The following DRG2 variants were observed in gnomAD, a reference collection of about 807,000 sequenced individuals.
DRG2 encodes developmentally-regulated GTP-binding protein 2.
In DRG2, 36 loss-of-function variants were observed where a neutral mutation model predicts 53.4. That is an observed-to-expected ratio of 0.67 (90% CI 0.52 to 0.89). The LOEUF is 0.89. Ranked by LOEUF, DRG2 falls within the 40% of genes least tolerant of loss-of-function variation. The pLI is 0.00. For synonymous variants in DRG2, 167 were observed against 192.1 expected (o/e 0.87, Z 1.08); for missense variants, 342 against 481.2 (o/e 0.71, Z 2.71).
At chr17:18,104,506 GGC>G (rs2045593066) in intron 10 of DRG2, 115 bp from the exon 11 acceptor site, 1 of 1,542,704 alleles carries the variant, frequency 6.5e-7, no homozygotes, top group Admixed American at 1.9e-5. Context: ...GGGGAGGTTA[GGC>G]CAAGGCAAGG....
chr17:18,104,588 T>C, intron 10 of DRG2, 35 bp from the exon 11 acceptor site: 10 of 1,613,584 alleles, frequency 6.2e-6, no homozygotes, highest in Non-Finnish European at 8.5e-6. Flanking sequence ...TGGGCCCTGA[T>C]GTGTGGCTGA....
intron 1 of DRG2, among the ~76,000 whole-genome samples, chr17:18,090,979 C>T (rs941441404): frequency 6.6e-6 from 1 of 152,192 alleles, no homozygotes; most frequent in Non-Finnish European, 1.5e-5. Context: ...GCTGCAGAAC[C>T]CATTCTTGAC....
rs772468542 is a variant in DRG2, at chr17:18,100,900, G to A, written c.631+241G>A. 1.3e-5 allele frequency among the ~76,000 whole-genome samples: 2 copies of A among 152,172 alleles called. No homozygotes were observed. The highest frequency in any genetic ancestry group is 2.9e-5 in the Non-Finnish European group (2 of 68,044). On this transcript the variant is annotated intron_variant, in intron 7 of 12. Transcript: ENST00000225729. This position sits in a 1 kb window ranked among gnomAD's most constrained non-coding sequence, Gnocchi z 4.1. ...GCACTGTGGTAGCCAGATGACATCC[G>A]GAAGAAAAAGATGTCATGGGAAACA... is the stretch of plus-strand genomic sequence containing the variant.
At chr17:18,092,717 T>C (rs1000325226) in intron 1 of DRG2, among the ~76,000 whole-genome samples, 1 of 152,188 alleles carries the variant, frequency 6.6e-6, no homozygotes, top group African/African-American at 2.4e-5. Flanking sequence ...GGTATTTATT[T>C]AAATACATAA....
rs11650564 is a variant in DRG2 at position 18,099,854 on chromosome 17, C to T, written c.467+131C>T. On this transcript the variant is annotated intron_variant, in intron 5 of 12. Transcript: ENST00000225729. The surrounding 1 kb of genome is among the most constrained non-coding windows in gnomAD (Gnocchi z 4.4). ...GAGTAGTGGTAGGACTTGTCACAGA[C>T]TAAACCCAACACCACCCAGCCTATG... 3.4e-6 allele frequency: 3 copies of T among 870,700 alleles called. No individual in the cohort carries two copies. The highest frequency in any genetic ancestry group is 5.4e-6 in the Non-Finnish European group (3 of 551,192). The allele number at this position is 870,700 out of a possible 1,614,324, so 53.9% of individuals were successfully genotyped here.
chr17:18,104,553 C>T, intron 10 of DRG2, 70 bp from the exon 11 acceptor site: 2 of 1,607,932 alleles, frequency 1.2e-6, no homozygotes, highest in Non-Finnish European at 1.7e-6. Flanking sequence ...GCTCTTCCCT[C>T]GCGCAGAATC....
intron 2 of DRG2, 167 bp downstream of exon 2, chr17:18,094,140 A>C: frequency 1.1e-6 from 1 of 883,696 alleles, no homozygotes; most frequent in South Asian, 1.9e-5. Flanking sequence ...AACATGGAGG[A>C]CGCTCTTTCC....
At chr17:18,101,443 G>A (rs770762590) in intron 7 of DRG2, 50 bp from the exon 8 acceptor site, 2 of 1,582,942 alleles carry the variant, frequency 1.3e-6, no homozygotes, top group South Asian at 1.1e-5. Context: ...TCCGCTGATG[G>A]GGGACAGGGG....
rs2045489577 is a variant in DRG2 at position 18,099,468 on chromosome 17, A to ACC, written c.377-165_377-164insCC. 2 of 721,644 alleles carry ACC rather than the reference A, an allele frequency of 2.8e-6. No homozygotes were observed. Among genetic ancestry groups the ACC allele is most frequent in the South Asian group, 3.3e-5 (2 of 60,432 alleles). 44.7% of individuals were successfully genotyped at this position (721,644 alleles called of 1,614,324 possible). ...TGGTGTCGGATTTTCTTCTGAAATA[A>ACC]GTCTCCGTCAGTAAAACATGTGGAT... is the stretch of plus-strand genomic sequence containing the variant. On this transcript the variant is annotated intron_variant, in intron 4 of 12. Transcript: ENST00000225729. This position sits in a 1 kb window ranked among gnomAD's most constrained non-coding sequence, Gnocchi z 4.4.
intron 1 of DRG2, among the ~76,000 whole-genome samples, chr17:18,092,837 T>C (rs947866201): frequency 5.3e-5 from 8 of 152,184 alleles, no homozygotes; most frequent in African/African-American, 1.9e-4. Context: ...GTGTGTTGTA[T>C]TGGCCACTGA....
chr17:18,094,587 A>G (rs1181731992), intron 2 of DRG2, among the ~76,000 whole-genome samples: 1 of 152,110 alleles, frequency 6.6e-6, no homozygotes, highest in Non-Finnish European at 1.5e-5. Context: ...CTCTCTGAGG[A>G]GCACAAGGAG....
chr17:18,106,177 C>T, intron 11 of DRG2: 1 of 528,982 alleles, frequency 1.9e-6, no homozygotes, highest in Non-Finnish European at 3.5e-6. Context: ...CCCCTGGTGG[C>T]TTTGGGAACA....
Position 18,100,026 on chromosome 17 carries a change from C to T in DRG2, c.467+303C>T. 1.7e-6 allele frequency: 1 copy of T among 579,398 alleles called. No homozygotes were observed. The highest frequency in any genetic ancestry group is 3.1e-5 in the Admixed American group (1 of 32,588). 35.9% of individuals were successfully genotyped at this position (579,398 alleles called of 1,614,324 possible). ...CCTGCCAGGAGCCCAGCCCCAGGCA[C>T]AGAAGCATTGTTCATCCACATCCTG... On this transcript the variant is annotated intron_variant, in intron 5 of 12. Transcript: ENST00000225729. This position sits in a 1 kb window ranked among gnomAD's most constrained non-coding sequence, Gnocchi z 4.1.
At chr17:18,093,700 C>G in intron 1 of DRG2, 113 bp from the exon 2 acceptor site, 1 of 1,232,932 alleles carries the variant, frequency 8.1e-7, no homozygotes, top group East Asian at 2.5e-5. Context: ...TTCTCCTGAT[C>G]TCCTTGACAG....
chr17:18,090,119 A>G (rs906637760), intron 1 of DRG2, among the ~76,000 whole-genome samples: 2 of 151,246 alleles, frequency 1.3e-5, no homozygotes, highest in South Asian at 4.2e-4. Context: ...CCCTCCCTTC[A>G]GAGATGCTCA....
At chr17:18,088,949 G>T (rs746356921) in intron 1 of DRG2, among the ~76,000 whole-genome samples, 1 of 152,190 alleles carries the variant, frequency 6.6e-6, no homozygotes, top group Non-Finnish European at 1.5e-5. Flanking sequence ...GAACAATCTA[G>T]ATCAGAAGGG....
At position 18,100,276 on chromosome 17, in the gene DRG2, G is replaced by A. The variant is rs2045506775; in HGVS notation, c.468-87G>A. Reference sequence around the variant, plus strand: ...GGTGGAGGAGAGAGTCAGTCTCTGGGTGGGCAGTGACATCCTGCGTAACAG... The same window carrying A: ...GGTGGAGGAGAGAGTCAGTCTCTGGATGGGCAGTGACATCCTGCGTAACAG... On this transcript the variant is annotated intron_variant, in intron 5 of 12. Transcript: ENST00000225729. This position sits in a 1 kb window ranked among gnomAD's most constrained non-coding sequence, Gnocchi z 4.1. 1.5e-6 allele frequency: 2 copies of A among 1,353,826 alleles called. No individual in the cohort carries two copies. Among genetic ancestry groups the A allele is most frequent in the East Asian group, 2.3e-5 (1 of 43,642 alleles). The allele number at this position is 1,353,826 out of a possible 1,614,324, so 83.9% of individuals were successfully genotyped here. A position where few individuals can be genotyped will look rare whatever the true frequency, so the allele number is the denominator to read the frequency against.
chr17:18,104,212 G>T (rs531263266), intron 10 of DRG2, among the ~76,000 whole-genome samples: 25 of 152,246 alleles, frequency 1.6e-4, no homozygotes, highest in Admixed American at 1.4e-3. Flanking sequence ...CCATCCTCCT[G>T]GTGCGCACAC....
In DRG2 at chr17:18,098,883, C is replaced by A; in HGVS notation, c.316-134C>A. ...GGCTGGGGTGGTGACAAGGCTCAGACTTGGCCACAGGTTGGCATCTGGGTT... is the reference window on the plus strand; with the variant it reads ...GGCTGGGGTGGTGACAAGGCTCAGAATTGGCCACAGGTTGGCATCTGGGTT... On this transcript the variant is annotated intron_variant, in intron 3 of 12. Transcript: ENST00000225729. This position sits in a 1 kb window ranked among gnomAD's most constrained non-coding sequence, Gnocchi z 4.1. The A allele has an allele frequency of 1.0e-6, 1 of 973,084 alleles. No individual in the cohort carries two copies. The highest frequency in any genetic ancestry group is 1.5e-6 in the Non-Finnish European group (1 of 646,838). The allele number at this position is 973,084 out of a possible 1,614,324, so 60.3% of individuals were successfully genotyped here. A position where few individuals can be genotyped will look rare whatever the true frequency, so the allele number is the denominator to read the frequency against.
Sources: gnomAD v4.1 joint callset for allele counts (sites outside exome capture counted in the v4.1 genomes callset) on GRCh38, gnomAD v4.1.1 for gene constraint, Gnocchi (gnomAD v3.1) non-coding constraint, MANE v1.5 for transcripts, NCBI Gene and HGNC (gene_info 2026-07-23, HGNC 2026-07-21) for gene names.